Variants in BBOF1 observed in about 807,000 individuals in gnomAD.
BBOF1 encodes the protein basal body orientation factor 1, also known as basal body-orientation factor 1.
Under a neutral mutation model 68.0 loss-of-function variants are expected in BBOF1, and 62 were observed. That is an observed-to-expected ratio of 0.91 (90% CI 0.74 to 1.13). The LOEUF (loss-of-function observed/expected upper bound fraction) is 1.13. Among genes scored for constraint, BBOF1 ranks in the 50% most tolerant of loss-of-function variants. BBOF1 has a pLI of 0.00. For missense variants in BBOF1, 534 were observed against 600.1 expected, an observed-to-expected ratio of 0.89 and a Z score of 1.15; for synonymous variants, 208 against 198.8, an observed-to-expected ratio of 1.05 and a Z score of -0.39.
Position 74,049,898 on chromosome 14 carries a change from A to C in BBOF1, c.989A>C (p.Lys330Thr). The change falls in exon 8 of 12, where the codon AAG (lysine) becomes ACG (threonine). Residue 330 changes from lysine (K) to threonine (T), a missense_variant. Lys to Thr is a moderately conservative substitution (Grantham distance 78). Transcript: ENST00000394009. Reference sequence around the variant, plus strand: ...CAAGCAGGTCAGGTAGAAATTGACAAGCTGCAGCACCTTCTTCAGATGAAG... The same window carrying C: ...CAAGCAGGTCAGGTAGAAATTGACACGCTGCAGCACCTTCTTCAGATGAAG... ...ENQAGQVEID[K>T]LQHLLQMKDR... 1 of 1,614,192 alleles carries C rather than the reference A, an allele frequency of 6.2e-7. No individual in the cohort carries two copies. The highest frequency in any genetic ancestry group is 8.5e-7 in the Non-Finnish European group (1 of 1,180,034).
chr14:74,049,680 C>T (rs925390428), intron 7 of BBOF1, 22 bp from the exon 8 acceptor site: 2 of 1,544,252 alleles, frequency 1.3e-6, no homozygotes, highest in Non-Finnish European at 1.7e-6. Context: ...AAAAAAATCA[C>T]CTCTCATCTT....
intron 11 of BBOF1, chr14:74,060,537 G>A: frequency 2.3e-6 from 2 of 874,120 alleles, no homozygotes; most frequent in South Asian, 1.3e-5. Context: ...TAGTTACAAT[G>A]TATTCCAATC....
chr14:74,021,778 G>T (rs1350651468), intron 1 of BBOF1, among the ~76,000 whole-genome samples: 2 of 152,038 alleles, frequency 1.3e-5, no homozygotes, highest in African/African-American at 4.8e-5. Context: ...CTGGTGGCGG[G>T]CTCCTGTAGT....
downstream of BBOF1, chr14:74,069,101 CTTTTTTTTTTT>C (rs900873855): frequency 1.3e-4 from 61 of 461,988 alleles, 1 homozygote; most frequent in Non-Finnish European, 1.8e-4. Context: ...TTTACTTTTT[CTTTTTTTTTTT>C]TTTTTTTTTT....
chr14:74,023,026 C>T lies in BBOF1; in HGVS notation c.167C>T (p.Thr56Ile). 6.2e-7 allele frequency: 1 copy of T among 1,610,660 alleles called. No individual in the cohort carries two copies. Among genetic ancestry groups the T allele is most frequent in the Non-Finnish European group, 8.5e-7 (1 of 1,177,882 alleles). The change falls in exon 2 of 12, where the codon ACT becomes ATT. Residue 56 changes from threonine (T) to isoleucine (I), a missense_variant. By Grantham distance (89) the Thr-to-Ile change is moderately conservative. Transcript: ENST00000394009. Reference sequence around the variant, plus strand: ...CTCTCTAGGATTAAGTATCGTGATACTTCACGGATACTGGCAAAAAGTAAT... The same window carrying T: ...CTCTCTAGGATTAAGTATCGTGATATTTCACGGATACTGGCAAAAAGTAAT... The part of the protein sequence containing the change: ...TELSRIKYRD[T>I]SRILAKSNED...
downstream of BBOF1, among the ~76,000 whole-genome samples, chr14:74,068,132 C>T (rs943910919): frequency 2.0e-5 from 3 of 152,104 alleles, no homozygotes; most frequent in African/African-American, 7.2e-5. Context: ...TGCCTGTAAT[C>T]CCAGCACTTT....
Position 74,050,012 on chromosome 14 carries a change from A to T in BBOF1, c.1103A>T (p.His368Leu). 1 of 1,614,164 alleles carries T rather than the reference A, an allele frequency of 6.2e-7. No individual in the cohort carries two copies. Among genetic ancestry groups the T allele is most frequent in the Non-Finnish European group, 8.5e-7 (1 of 1,180,036 alleles). The change falls in exon 8 of 12, where the codon CAC becomes CTC. Residue 368 changes from histidine (H) to leucine (L), a missense_variant. His to Leu is a moderately conservative substitution (Grantham distance 99). Coordinates refer to ENST00000394009, the MANE Select transcript of BBOF1 (RefSeq NM_025057.3). ...GAAAGATTCTTTTTAGATGCTCTGC[A>T]CCAAGTGAAGCAACAGATCCTAATT... ...EVERFFLDAL[H>L]QVKQQILISR...
chr14:74,053,750 C>T (rs1566815669), intron 8 of BBOF1, among the ~76,000 whole-genome samples: 1 of 149,468 alleles, frequency 6.7e-6, no homozygotes, highest in Non-Finnish European at 1.5e-5. Flanking sequence ...CTCACTCTGT[C>T]GCCCAGGCTG....
At chr14:74,020,746 C>G (rs2059265680) in intron 1 of BBOF1, among the ~76,000 whole-genome samples, 3 of 152,118 alleles carry the variant, frequency 2.0e-5, no homozygotes, top group Admixed American at 1.3e-4. Flanking sequence ...TCAGGTGATC[C>G]ACCCGCCTCG....
At chr14:74,057,393 T>C (rs536303913) in intron 11 of BBOF1, 135 bp downstream of exon 11, 1 of 1,539,182 alleles carries the variant, frequency 6.5e-7, no homozygotes, top group Non-Finnish European at 8.7e-7. Flanking sequence ...TAAATAGCAT[T>C]AGTAGATTAC....
At chr14:74,079,280 C>G (rs565451434) in intron 10 of BBOF1, among the ~76,000 whole-genome samples, 2 of 151,378 alleles carry the variant, frequency 1.3e-5, no homozygotes, top group East Asian at 3.9e-4. Flanking sequence ...AATTTGAGAC[C>G]TGCCTGCACT....
chr14:74,074,380 G>A (rs994102460), intron 9 of BBOF1, among the ~76,000 whole-genome samples: 4 of 150,506 alleles, frequency 2.7e-5, no homozygotes, highest in South Asian at 4.2e-4. Context: ...TCCGCCTCCC[G>A]AATTCAAGCG....
chr14:74,054,317 C>CTT (rs940724010), intron 8 of BBOF1, among the ~76,000 whole-genome samples: 1 of 144,104 alleles, frequency 6.9e-6, no homozygotes, highest in East Asian at 2.2e-4. Context: ...GCCTAAACAA[C>CTT]TTTTTTTTTC....
At position 74,050,212 on chromosome 14, in the gene BBOF1, A is replaced by G. The variant is rs1039637162; in HGVS notation, c.1286+17A>G. The G allele has an allele frequency of 2.0e-6, 3 of 1,507,544 alleles. No homozygotes were observed. The highest frequency in any genetic ancestry group is 2.7e-6 in the Non-Finnish European group (3 of 1,131,634). 93.4% of individuals were successfully genotyped at this position (1,507,544 alleles called of 1,614,324 possible). ...CGAAAAATGGTACTAGCAATACTTT[A>G]TTATTATCTTTTTGCTGCTATTTTT... On this transcript the variant is annotated intron_variant, in intron 8 of 11. Coordinates refer to ENST00000394009, the MANE Select transcript of BBOF1 (RefSeq NM_025057.3).
chr14:74,075,466 T>A (rs1357038802), intron 9 of BBOF1, among the ~76,000 whole-genome samples: 1 of 152,026 alleles, frequency 6.6e-6, no homozygotes, highest in Non-Finnish European at 1.5e-5. Flanking sequence ...GAGACCACCC[T>A]GGGCAACATG....
rs561963832 is a variant in BBOF1, at chr14:74,075,613, T to C, written n.1380-2583T>C. 2.6e-5 allele frequency among the ~76,000 whole-genome samples: 4 copies of C among 151,798 alleles called. No homozygotes were observed. In the South Asian group the frequency reaches 8.3e-4, roughly 31 times the overall value. On this transcript the variant is annotated intron_variant and non_coding_transcript_variant, in intron 9 of 12. Transcript: ENST00000492026. Reference sequence around the variant, plus strand: ...GTGAGGCTGCAGTGAACCGTGATTATGCCACTGCACTCCAGCCAGGAAGAG... The same window carrying C: ...GTGAGGCTGCAGTGAACCGTGATTACGCCACTGCACTCCAGCCAGGAAGAG...
At chr14:74,069,003 T>C (rs1299544556), downstream of BBOF1, 4 of 1,608,272 alleles carry the variant, frequency 2.5e-6, no homozygotes, top group African/African-American at 2.7e-5. Flanking sequence ...AAATAAATGA[T>C]CACTCACAAA....
chr14:74,066,334 A>G (rs1275282264), downstream of BBOF1, among the ~76,000 whole-genome samples: 1 of 152,224 alleles, frequency 6.6e-6, no homozygotes, highest in East Asian at 1.9e-4. Context: ...AATTAATCAT[A>G]TATAAAATGA....
chr14:74,076,089 T>C (rs1334317360), intron 9 of BBOF1, among the ~76,000 whole-genome samples: 1 of 152,134 alleles, frequency 6.6e-6, no homozygotes, highest in Non-Finnish European at 1.5e-5. Context: ...CTTTTTGGGG[T>C]GATGGACATA....
Sources: allele counts gnomAD v4.1 joint callset (sites outside exome capture counted in the v4.1 genomes callset), GRCh38; gene constraint gnomAD v4.1.1; transcripts MANE v1.5; gene names NCBI Gene and HGNC (gene_info 2026-07-23, HGNC 2026-07-21).